Variants in PREX1 observed in about 807,000 individuals in gnomAD.
PREX1 encodes phosphatidylinositol 3,4,5-trisphosphate-dependent Rac exchanger 1 protein.
In PREX1, 41 loss-of-function variants were observed where a neutral mutation model predicts 198.3. That is an observed-to-expected ratio of 0.21 (90% CI 0.16 to 0.27). The LOEUF (loss-of-function observed/expected upper bound fraction) is 0.27. Ranked by LOEUF, PREX1 falls within the 10% of genes least tolerant of loss-of-function variation. The pLI is 1.00. For synonymous variants in PREX1, 843 were observed against 887.2 expected (o/e 0.95, Z 0.89); for missense variants, 1,620 against 2,200.7 (o/e 0.74, Z 5.28).
At chr20:48,855,754 C>A in the PREX1 span, among the ~76,000 whole-genome samples, 3 of 152,228 alleles carry the variant, frequency 2.0e-5, no homozygotes, top group East Asian at 5.8e-4. Flanking sequence ...CAAAATTAGC[C>A]GGTTGTGGTG....
At chr20:48,703,209 C>G (rs1195794311) in intron 6 of PREX1, among the ~76,000 whole-genome samples, 1 of 152,220 alleles carries the variant, frequency 6.6e-6, no homozygotes, top group Non-Finnish European at 1.5e-5. Context: ...TGTCCGTGGT[C>G]CAGTTGGGTA....
intron 1 of PREX1, among the ~76,000 whole-genome samples, chr20:48,755,121 C>A (rs1453017601): frequency 6.6e-6 from 1 of 152,096 alleles, no homozygotes; most frequent in Non-Finnish European, 1.5e-5. Context: ...AATGATCATG[C>A]TAAAAATAGT....
intron 8 of PREX1, 81 bp downstream of exon 8, chr20:48,692,591 T>C (rs1034323126): frequency 3.4e-6 from 4 of 1,180,252 alleles, no homozygotes; most frequent in Non-Finnish European, 4.9e-6. Flanking sequence ...AAGAAAAAAA[T>C]ATATTTAAAT....
At chr20:48,785,017 G>A (rs927100167) in intron 1 of PREX1, among the ~76,000 whole-genome samples, 5 of 151,718 alleles carry the variant, frequency 3.3e-5, no homozygotes, top group Admixed American at 1.3e-4. Context: ...AGGTTCAAAC[G>A]ATTCTCCTAC....
rs1474719896 is a variant in PREX1, at chr20:48,650,070, G to A, written c.2954C>T (p.Thr985Ile). ...GCTGAAGGACCTGCCCACTGAGGGG[G>A]TGGTCTTGGGGTAGGACACTTCCAT... ...NLMEVSYPKT[T>I]PSVGRSFSIR... The change falls in exon 24 of 40, where the codon ACC becomes ATC. Residue 985 changes from threonine (T) to isoleucine (I), a missense_variant. Transcript: ENST00000371941. 6.2e-7 allele frequency: 1 copy of A among 1,614,124 alleles called. No individual in the cohort carries two copies. The highest frequency in any genetic ancestry group is 1.3e-5 in the African/African-American group (1 of 74,948).
upstream of PREX1, among the ~76,000 whole-genome samples, chr20:48,832,009 G>A (rs73260268): frequency 0.029 from 4,337 of 152,088 alleles, 213 homozygotes; most frequent in African/African-American, 0.099. Context: ...TCACCCGTCC[G>A]GAATATCTAG....
chr20:48,629,360 C>A, intron 37 of PREX1, 89 bp downstream of exon 37: 3 of 1,501,962 alleles, frequency 2.0e-6, no homozygotes, highest in South Asian at 2.5e-5. Flanking sequence ...TGGAACCCAG[C>A]CTTCCTGCCT....
the PREX1 span, among the ~76,000 whole-genome samples, chr20:48,849,794 C>T: frequency 5.3e-5 from 8 of 152,176 alleles, no homozygotes. Flanking sequence ...AGGAGCTCAA[C>T]ACATTGCCTA....
intron 1 of PREX1, among the ~76,000 whole-genome samples, chr20:48,822,787 G>A (rs147814197): frequency 7.3e-4 from 111 of 152,110 alleles, no homozygotes; most frequent in Non-Finnish European, 1.4e-3. Flanking sequence ...GTATATTATG[G>A]TTATTGTTTA....
At chr20:48,781,536 A>T (rs2090289743) in intron 1 of PREX1, among the ~76,000 whole-genome samples, 1 of 152,144 alleles carries the variant, frequency 6.6e-6, no homozygotes, top group Non-Finnish European at 1.5e-5. Context: ...ACTCCTCCCC[A>T]AAAGAAGACC....
the PREX1 span, chr20:48,849,517 C>G: frequency 6.6e-6 from 1 of 152,168 alleles, no homozygotes; most frequent in South Asian, 2.1e-4. Context: ...CTGCTAGATT[C>G]CCAGTGTCCA....
chr20:48,814,151 G>A (rs1399672996), intron 1 of PREX1, among the ~76,000 whole-genome samples: 1 of 152,250 alleles, frequency 6.6e-6, no homozygotes, highest in Non-Finnish European at 1.5e-5. Flanking sequence ...TCATGGCCAG[G>A]AAGGCCTCTG....
At chr20:48,733,171 C>T (rs1257616297) in intron 4 of PREX1, among the ~76,000 whole-genome samples, 10 of 152,268 alleles carry the variant, frequency 6.6e-5, no homozygotes, top group Admixed American at 6.5e-4. Context: ...AGGCTCTCTA[C>T]AAGTGTAGGG....
intron 1 of PREX1, among the ~76,000 whole-genome samples, chr20:48,804,352 G>A (rs189443230): frequency 6.6e-6 from 1 of 152,338 alleles, no homozygotes; most frequent in East Asian, 1.9e-4. Flanking sequence ...GGGAGACAGA[G>A]GGGGAGCATG....
chr20:48,807,244 G>A (rs920716749), intron 1 of PREX1, among the ~76,000 whole-genome samples: 10 of 152,152 alleles, frequency 6.6e-5, no homozygotes, highest in Non-Finnish European at 1.5e-4. Flanking sequence ...CTAACATCTG[G>A]TGCACATCCT....
the PREX1 span, among the ~76,000 whole-genome samples, chr20:48,854,517 C>T: frequency 6.6e-6 from 1 of 152,136 alleles, no homozygotes; most frequent in South Asian, 2.1e-4. Flanking sequence ...GCTATGATTA[C>T]ACCACTGCAC....
chr20:48,634,843 G>T, intron 32 of PREX1, 68 bp from the exon 33 acceptor site: 2 of 1,421,286 alleles, frequency 1.4e-6, no homozygotes, highest in Non-Finnish European at 2.0e-6. Context: ...CTATCAAGAT[G>T]CTGAATTCAA....
Position 48,632,569 on chromosome 20 carries a change from G to T in PREX1, c.4338C>A (p.Tyr1446Ter). The T allele has an allele frequency of 6.2e-7, 1 of 1,614,034 alleles. No individual in the cohort carries two copies. Among genetic ancestry groups the T allele is most frequent in the South Asian group, 1.1e-5 (1 of 91,066 alleles). Residue 1446 changes from tyrosine to a stop codon, truncating the protein, a stop_gained, in exon 34 of 40, where the codon TAC (tyrosine) becomes TAA (stop). Coordinates refer to ENST00000371941, the MANE Select transcript of PREX1 (RefSeq NM_020820.4). LOFTEE classifies it high-confidence loss of function. ...GGCGGGAGGGCAGCTTGGAGAAGTG[G>T]TAGCTGTCGAGGTAGAAGATGACCT... ...ALKVIFYLDS[Y>*]HFSKLPSRLE...
chr20:48,759,435 A>G (rs6125454), intron 1 of PREX1, among the ~76,000 whole-genome samples: 40,426 of 151,300 alleles, frequency 0.27, 6,462 homozygotes, highest in Admixed American at 0.34. Flanking sequence ...CTGTAATCCC[A>G]GCTACTTGCG....
Sources: allele counts gnomAD v4.1 joint callset (sites outside exome capture counted in the v4.1 genomes callset), GRCh38; gene constraint gnomAD v4.1.1; transcripts MANE v1.5; gene names NCBI Gene and HGNC (gene_info 2026-07-23, HGNC 2026-07-21).